The following KAZN variants were observed in gnomAD, a reference collection of about 807,000 sequenced individuals.
The protein encoded by KAZN is kazrin.
Under a neutral mutation model 87.4 loss-of-function variants are expected in KAZN, and 40 were observed. The observed-to-expected ratio is 0.46, with a 90% CI of 0.36 to 0.60. KAZN has a LOEUF of 0.60. Ranked by LOEUF, KAZN falls within the 20% of genes least tolerant of loss-of-function variation. The pLI, the probability that KAZN is intolerant of heterozygous loss-of-function variation, is 0.00. For missense variants in KAZN, 898 were observed against 1,073.9 expected, an observed-to-expected ratio of 0.84 and a Z score of 2.29; for synonymous variants, 466 against 458.3, an observed-to-expected ratio of 1.02 and a Z score of -0.22.
chr1:14,056,697 C>G (rs1642575415), intron 1 of KAZN, among the ~76,000 whole-genome samples: 1 of 152,152 alleles, frequency 6.6e-6, no homozygotes, highest in South Asian at 2.1e-4. Flanking sequence ...GATCACACAG[C>G]AGGTGAGACA....
chr1:14,155,737 C>T (rs1165843200), intron 1 of KAZN, among the ~76,000 whole-genome samples: 1 of 152,110 alleles, frequency 6.6e-6, no homozygotes, highest in East Asian at 1.9e-4. Flanking sequence ...ACAACCTCTG[C>T]CTCCCAGATA....
chr1:15,082,044 G>A (rs1332530277), intron 8 of KAZN, among the ~76,000 whole-genome samples: 2 of 152,154 alleles, frequency 1.3e-5, no homozygotes, highest in African/African-American at 4.8e-5. Flanking sequence ...CTGAGACAGG[G>A]GACAGGTGAT....
At chr1:14,185,139 G>A (rs955300698) in intron 2 of KAZN, among the ~76,000 whole-genome samples, 3 of 152,116 alleles carry the variant, frequency 2.0e-5, no homozygotes, top group African/African-American at 4.8e-5. Flanking sequence ...TGCTGGCTGC[G>A]GCTATGGATG....
chr1:14,385,410 G>A (rs1343337546), intron 2 of KAZN, among the ~76,000 whole-genome samples: 2 of 152,100 alleles, frequency 1.3e-5, no homozygotes, highest in South Asian at 2.1e-4. Flanking sequence ...ATGGTAGGGT[G>A]TCAATTTTGG....
intron 8 of KAZN, among the ~76,000 whole-genome samples, chr1:15,091,954 T>G (rs1487426751): frequency 6.6e-6 from 1 of 150,404 alleles, no homozygotes; most frequent in African/African-American, 2.5e-5. Flanking sequence ...TTTAATGTTG[T>G]GTCCTGTCTC....
intron 1 of KAZN, among the ~76,000 whole-genome samples, chr1:14,657,838 G>GTGTT (rs113604542): frequency 3.9e-5 from 6 of 152,008 alleles, no homozygotes; most frequent in Non-Finnish European, 8.8e-5. Flanking sequence ...CCTGCTCCTA[G>GTGTT]TGTTTGTTTG....
chr1:14,114,388 C>A (rs115158498), intron 1 of KAZN, among the ~76,000 whole-genome samples: 2 of 151,954 alleles, frequency 1.3e-5, no homozygotes, highest in Non-Finnish European at 2.9e-5. Flanking sequence ...ATGACTCTGG[C>A]GATTTGCAGA....
At chr1:14,816,207 T>A (rs1260118862) in intron 1 of KAZN, among the ~76,000 whole-genome samples, 1 of 152,148 alleles carries the variant, frequency 6.6e-6, no homozygotes, top group East Asian at 1.9e-4. Context: ...ATGTAATGAA[T>A]CACTACACAC....
chr1:14,164,989 T>TAAAG (rs1645794591), intron 1 of KAZN, among the ~76,000 whole-genome samples: 1 of 152,224 alleles, frequency 6.6e-6, no homozygotes, highest in Admixed American at 6.5e-5. Flanking sequence ...TCGGTCTTTC[T>TAAAG]ATGAGGCAAT....
chr1:14,523,838 T>A (rs981443854), intron 2 of KAZN, among the ~76,000 whole-genome samples: 1 of 152,156 alleles, frequency 6.6e-6, no homozygotes, highest in African/African-American at 2.4e-5. Flanking sequence ...GAGACCATGA[T>A]GTTGAGGAAG....
chr1:14,229,559 G>T (rs1647613345), intron 2 of KAZN, among the ~76,000 whole-genome samples: 1 of 152,174 alleles, frequency 6.6e-6, no homozygotes, highest in South Asian at 2.1e-4. Context: ...TTAATTCTAT[G>T]GCAAACAACG....
chr1:13,931,939 G>A (rs1640530911), intron 1 of KAZN, among the ~76,000 whole-genome samples: 1 of 151,780 alleles, frequency 6.6e-6, no homozygotes, highest in Non-Finnish European at 1.5e-5. Flanking sequence ...CATGGTTCAA[G>A]CGATTCTCCT....
At chr1:15,109,757 T>C (rs1261621773) in intron 13 of KAZN, among the ~76,000 whole-genome samples, 1 of 122,430 alleles carries the variant, frequency 8.2e-6, no homozygotes, top group South Asian at 2.6e-4. Context: ...GTTTGTATGT[T>C]TGTGTCTGTA....
At chr1:14,262,062 A>C (rs941155372) in intron 2 of KAZN, among the ~76,000 whole-genome samples, 1 of 152,234 alleles carries the variant, frequency 6.6e-6, no homozygotes, top group African/African-American at 2.4e-5. Flanking sequence ...ATATCAAACC[A>C]ATGATGCAAA....
chr1:14,065,566 T>TAA (rs201024966), intron 1 of KAZN, among the ~76,000 whole-genome samples: 2 of 131,024 alleles, frequency 1.5e-5, no homozygotes, highest in Non-Finnish European at 3.3e-5. Context: ...GAAATGCATT[T>TAA]AAAAAAAAAA....
intron 1 of KAZN, chr1:14,930,112 G>C: frequency 7.1e-6 from 7 of 982,938 alleles, no homozygotes; most frequent in Non-Finnish European, 8.5e-6. Context: ...AAGCAGCGGG[G>C]AGCTGGTGGG....
chr1:14,506,657 A>G (rs1265501892), intron 2 of KAZN, among the ~76,000 whole-genome samples: 2 of 152,242 alleles, frequency 1.3e-5, no homozygotes, highest in East Asian at 1.9e-4. Context: ...AAAGCATGGT[A>G]TGGATTGCTG....
intron 2 of KAZN, among the ~76,000 whole-genome samples, chr1:14,293,484 G>A (rs1653872292): frequency 6.6e-6 from 1 of 151,842 alleles, no homozygotes. Flanking sequence ...TCCCTTTCTG[G>A]CATTGCTGGT....
intron 1 of KAZN, among the ~76,000 whole-genome samples, chr1:14,164,177 T>C (rs1293202558): frequency 6.6e-6 from 1 of 152,220 alleles, no homozygotes; most frequent in Non-Finnish European, 1.5e-5. Flanking sequence ...TTATTATCTT[T>C]TAGTTTCTGT....
Sources: gnomAD v4.1 joint callset for allele counts (sites outside exome capture counted in the v4.1 genomes callset) on GRCh38, gnomAD v4.1.1 for gene constraint, MANE v1.5 for transcripts, NCBI Gene and HGNC (gene_info 2026-07-23, HGNC 2026-07-21) for gene names.